The following LUZP2 variants were observed in gnomAD, a reference collection of about 807,000 sequenced individuals.
LUZP2 encodes leucine zipper protein 2.
A neutral mutation model predicts 51.6 loss-of-function variants in LUZP2; 52 were observed. That is an observed-to-expected ratio of 1.01 (90% confidence interval 0.81 to 1.27). The LOEUF (loss-of-function observed/expected upper bound fraction) is 1.27. Ranked by LOEUF, LUZP2 falls within the 50% of genes most tolerant of loss-of-function variation. The probability of loss-of-function intolerance (pLI) is 0.00; values close to 1 mark genes in which losing one functional copy is unlikely to be tolerated. For missense variants in LUZP2, 436 were observed against 395.4 expected (o/e 1.10, Z -0.87); for synonymous variants, 154 against 137.3 (o/e 1.12, Z -0.85).
At chr11:24,649,066 C>T (rs897759342) in intron 1 of LUZP2, among the ~76,000 whole-genome samples, 2 of 151,968 alleles carry the variant, frequency 1.3e-5, no homozygotes, top group African/African-American at 4.8e-5. Context: ...TAAACTTCTG[C>T]TTAAATTAGG....
At chr11:24,619,160 C>T (rs1854404317) in intron 1 of LUZP2, among the ~76,000 whole-genome samples, 1 of 152,060 alleles carries the variant, frequency 6.6e-6, no homozygotes, top group South Asian at 2.1e-4. Flanking sequence ...TCCTGAGTAG[C>T]TGAGACTACA....
At chr11:24,959,471 G>A (rs560012567) in intron 7 of LUZP2, among the ~76,000 whole-genome samples, 6,001 of 151,920 alleles carry the variant, frequency 0.04, 414 homozygotes, top group African/African-American at 0.14. Context: ...GGTCCTTCAC[G>A]TCCCTTGTAA....
chr11:24,780,636 A>T (rs886106421), intron 5 of LUZP2, among the ~76,000 whole-genome samples: 1 of 152,092 alleles, frequency 6.6e-6, no homozygotes, highest in Admixed American at 6.6e-5. Context: ...GTTTACCAGT[A>T]TTTACTCTGT....
intron 1 of LUZP2, among the ~76,000 whole-genome samples, chr11:24,715,261 C>CTGTGTGTGTG (rs1220899685): frequency 1.4e-4 from 10 of 73,510 alleles, no homozygotes; most frequent in East Asian, 1.8e-3. Flanking sequence ...CAAGGAGCAA[C>CTGTGTGTGTG]TATGTGTGTG....
chr11:24,655,886 C>G (rs1051720158), intron 1 of LUZP2, among the ~76,000 whole-genome samples: 1 of 152,134 alleles, frequency 6.6e-6, no homozygotes, highest in South Asian at 2.1e-4. Context: ...AAGTGAGATA[C>G]GAGTATGATA....
intron 1 of LUZP2, among the ~76,000 whole-genome samples, chr11:24,631,909 GA>G (rs1441798813): frequency 2.6e-5 from 4 of 151,910 alleles, no homozygotes; most frequent in African/African-American, 9.7e-5. Context: ...ATTAATACAG[GA>G]AAGAGGGCAT....
At chr11:24,692,273 A>G (rs1280600258) in intron 1 of LUZP2, among the ~76,000 whole-genome samples, 1 of 151,968 alleles carries the variant, frequency 6.6e-6, no homozygotes, top group African/African-American at 2.4e-5. Context: ...AACTCATCCT[A>G]TGCAGAAGCA....
chr11:24,880,689 T>C (rs1181089578), intron 5 of LUZP2, among the ~76,000 whole-genome samples: 1 of 152,064 alleles, frequency 6.6e-6, no homozygotes, highest in Non-Finnish European at 1.5e-5. Flanking sequence ...CTGTAGGTTG[T>C]CTCCAATTCT....
In LUZP2 at chr11:24,589,056, C is replaced by T. The variant is rs75093926; in HGVS notation, c.62+91751C>T. 3.9e-3 allele frequency among the ~76,000 whole-genome samples: 590 copies of T among 152,192 alleles called. 24 individuals are homozygous for T. In the East Asian group the frequency reaches 0.085, roughly 22 times the overall value. ...GGTAATTTATCCATCTCATTCTGCT[C>T]TTCCACTTCATGTGAATGAATTTAT... On this transcript the variant is annotated intron_variant, in intron 1 of 11. Coordinates refer to ENST00000336930, the MANE Select transcript of LUZP2 (RefSeq NM_001009909.4).
intron 1 of LUZP2, among the ~76,000 whole-genome samples, chr11:24,714,695 A>G (rs1241797691): frequency 6.6e-6 from 1 of 152,200 alleles, no homozygotes; most frequent in Non-Finnish European, 1.5e-5. Context: ...TGACATGCTC[A>G]TGAATCCTCC....
intron 1 of LUZP2, among the ~76,000 whole-genome samples, chr11:24,535,577 T>A (rs1331579329): frequency 2.6e-5 from 4 of 151,620 alleles, no homozygotes; most frequent in African/African-American, 9.7e-5. Context: ...ATTCATTCAT[T>A]CAAATTTTAT....
At chr11:24,741,937 A>ATTTCTATAT (rs1859172703) in intron 4 of LUZP2, among the ~76,000 whole-genome samples, 1 of 13,008 alleles carries the variant, frequency 7.7e-5, no homozygotes, top group East Asian at 5.3e-3. Flanking sequence ...TATTATATAT[A>ATTTCTATAT]AATATATACA....
chr11:24,515,144 T>A (rs2133785908), intron 1 of LUZP2, among the ~76,000 whole-genome samples: 1 of 152,314 alleles, frequency 6.6e-6, no homozygotes, highest in Non-Finnish European at 1.5e-5. Context: ...ATTAACTAAG[T>A]CCTCTGATGT....
At chr11:24,979,260 C>T (rs888828455) in intron 8 of LUZP2, among the ~76,000 whole-genome samples, 6 of 151,692 alleles carry the variant, frequency 4.0e-5, no homozygotes, top group South Asian at 2.1e-4. Context: ...GATCTTGTCA[C>T]GCCTTTTAGT....
At chr11:25,060,300 G>A (rs1590886513) in intron 10 of LUZP2, among the ~76,000 whole-genome samples, 2 of 152,250 alleles carry the variant, frequency 1.3e-5, no homozygotes, top group South Asian at 4.1e-4. Flanking sequence ...CACTTGCTTA[G>A]TGAAAGCCAT....
At chr11:24,975,506 C>T (rs1228613951) in intron 7 of LUZP2, among the ~76,000 whole-genome samples, 1 of 151,956 alleles carries the variant, frequency 6.6e-6, no homozygotes, top group Non-Finnish European at 1.5e-5. Flanking sequence ...CAGTGCCTGG[C>T]ATAGTGAAGA....
At chr11:24,762,713 G>A (rs150557462) in intron 4 of LUZP2, among the ~76,000 whole-genome samples, 9 of 152,092 alleles carry the variant, frequency 5.9e-5, no homozygotes, top group African/African-American at 1.9e-4. Context: ...TAGGAAATAC[G>A]GTTCCAATAA....
chr11:24,859,742 G>A (rs1207842615), intron 5 of LUZP2, among the ~76,000 whole-genome samples: 1 of 152,228 alleles, frequency 6.6e-6, no homozygotes, highest in Non-Finnish European at 1.5e-5. Context: ...AGCCACAAGG[G>A]ACGGGGGAAC....
chr11:24,771,501 C>T (rs919669430), intron 5 of LUZP2, among the ~76,000 whole-genome samples: 1 of 150,602 alleles, frequency 6.6e-6, no homozygotes, highest in East Asian at 1.9e-4. Context: ...TCATAGTTCA[C>T]ATTTTTCACA....
Sources: gnomAD v4.1 joint callset for allele counts (sites outside exome capture counted in the v4.1 genomes callset) on GRCh38, gnomAD v4.1.1 for gene constraint, MANE v1.5 for transcripts, NCBI Gene and HGNC (gene_info 2026-07-23, HGNC 2026-07-21) for gene names.